ABLIM2: variants seen among roughly 807,000 people sequenced by gnomAD.
ABLIM2 encodes the protein actin binding LIM protein family member 2, also known as actin-binding LIM protein 2.
ABLIM2 carries 53 observed loss-of-function variants against 97.7 expected under a neutral mutation model. The observed-to-expected ratio is 0.54, with a 90% confidence interval of 0.44 to 0.68. The LOEUF (loss-of-function observed/expected upper bound fraction) is 0.68, where lower values mean the gene tolerates loss of function less well. ABLIM2 is among the 30% of genes least tolerant of loss of function. The probability of loss-of-function intolerance (pLI) is 0.00; values close to 1 mark genes in which losing one functional copy is unlikely to be tolerated. For synonymous variants in ABLIM2, 361 were observed against 345.8 expected, an observed-to-expected ratio of 1.04 and a Z score of -0.49; for missense variants, 835 against 867.2, an observed-to-expected ratio of 0.96 and a Z score of 0.47.
chr4:8,105,860 G>C (rs1234380954), intron 2 of ABLIM2, among the ~76,000 whole-genome samples: 1 of 152,228 alleles, frequency 6.6e-6, no homozygotes, highest in African/African-American at 2.4e-5. Context: ...CTTTGTATAG[G>C]AAGGAGGAAC....
At chr4:8,156,078 C>G (rs1715219951) in intron 1 of ABLIM2, among the ~76,000 whole-genome samples, 1 of 152,170 alleles carries the variant, frequency 6.6e-6, no homozygotes, top group African/African-American at 2.4e-5. Flanking sequence ...CTGGGGGAAT[C>G]TGATCTGCCA....
At position 7,980,947 on chromosome 4, in the gene ABLIM2, T is replaced by A. The variant is rs529494019; in HGVS notation, c.1824+2317A>T. ...ATGGTCTCCACAACCCCTTATTTTT[T>A]TTTTTTTTTTTTTTGAGATGGAGTC... On this transcript the variant is annotated intron_variant, in intron 20 of 20. Transcript: ENST00000447017. 1.3e-4 allele frequency among the ~76,000 whole-genome samples: 16 copies of A among 124,882 alleles called. No homozygotes were observed. In the South Asian group the frequency reaches 2.7e-3, roughly 21 times the overall value. The allele number at this position is 124,882 out of a possible 152,430, so 81.9% of individuals were successfully genotyped here.
intron 6 of ABLIM2, among the ~76,000 whole-genome samples, chr4:8,062,721 G>A (rs913353671): frequency 6.6e-6 from 1 of 152,136 alleles, no homozygotes; most frequent in Non-Finnish European, 1.5e-5. Flanking sequence ...TTACAGGCAT[G>A]AGCCACCACG....
In ABLIM2 at chr4:8,003,422, G is replaced by C. The variant is rs932203684; in HGVS notation, c.1618+4637C>G. 1.3e-5 allele frequency among the ~76,000 whole-genome samples: 2 copies of C among 152,110 alleles called. No homozygotes were observed. The highest frequency in any genetic ancestry group is 4.2e-4 in the South Asian group (2 of 4,816). On this transcript the variant is annotated intron_variant, in intron 16 of 20. Transcript: ENST00000447017. This position sits in a 1 kb window ranked among gnomAD's most constrained non-coding sequence, Gnocchi z 4.2. ...GGAGGGTGTGTGGGTACTGAGGTTCGCTTTCTACCCAATATACATCGCTTT... is the reference window on the plus strand; with the variant it reads ...GGAGGGTGTGTGGGTACTGAGGTTCCCTTTCTACCCAATATACATCGCTTT...
intron 1 of ABLIM2, among the ~76,000 whole-genome samples, chr4:8,110,994 CAGCCAAACCATGCAAA>C (rs1840051286): frequency 6.6e-6 from 1 of 152,260 alleles, no homozygotes; most frequent in South Asian, 2.1e-4. Context: ...AGGGGGGCAA[CAGCCAAACCATGCAAA>C]AGCAGGGGCC....
At chr4:8,007,960 C>A (rs1316106953) in intron 16 of ABLIM2, 99 bp downstream of exon 16, 4 of 1,517,422 alleles carry the variant, frequency 2.6e-6, no homozygotes, top group South Asian at 1.4e-5. Flanking sequence ...TTTTAACAGG[C>A]AAGGCTTAGA....
At chr4:7,991,944 G>A (rs1749074876) in intron 17 of ABLIM2, among the ~76,000 whole-genome samples, 2 of 152,162 alleles carry the variant, frequency 1.3e-5, no homozygotes, top group African/African-American at 4.8e-5. Context: ...ACACAGCCAC[G>A]GCTGCTCCAG....
intron 1 of ABLIM2, among the ~76,000 whole-genome samples, chr4:8,118,751 TG>T (rs1374319672): frequency 1.3e-5 from 2 of 152,208 alleles, no homozygotes; most frequent in South Asian, 2.1e-4. Flanking sequence ...CGGGGAGCAC[TG>T]TGTGCCCATC....
chr4:8,031,576 C>T (rs201233528), intron 10 of ABLIM2, among the ~76,000 whole-genome samples: 171 of 152,256 alleles, frequency 1.1e-3, no homozygotes, highest in Non-Finnish European at 1.1e-3. Context: ...GGCTCTGAGC[C>T]GACCGCTGGG....
chr4:8,008,265 G>C (rs775614149), intron 15 of ABLIM2, 65 bp from the exon 16 acceptor site: 43 of 1,503,872 alleles, frequency 2.9e-5, no homozygotes, highest in Admixed American at 1.8e-4. Flanking sequence ...ACATCTCACT[G>C]GACCCTTCTT....
chr4:8,026,186 G>A (rs1387745325), intron 12 of ABLIM2, among the ~76,000 whole-genome samples: 1 of 152,164 alleles, frequency 6.6e-6, no homozygotes, highest in Non-Finnish European at 1.5e-5. Context: ...TCTTTTTTCA[G>A]ACAAAGGGTC....
intron 20 of ABLIM2, among the ~76,000 whole-genome samples, chr4:7,979,982 GA>G (rs1736688143): frequency 6.6e-6 from 1 of 152,214 alleles, no homozygotes; most frequent in African/African-American, 2.4e-5. Flanking sequence ...AGCCAGCACA[GA>G]AAAAGCACAG....
chr4:8,067,924 G>A lies in ABLIM2; in HGVS notation c.676-6870C>T, dbSNP rs1375793999. ...AGAGGACATTTAGCTGGAAGGTACCGGCATGGCACAGGTCACCCCCTCCCT... is the reference window on the plus strand; with the variant it reads ...AGAGGACATTTAGCTGGAAGGTACCAGCATGGCACAGGTCACCCCCTCCCT... On this transcript the variant is annotated intron_variant, in intron 6 of 20. Transcript: ENST00000447017. This position sits in a 1 kb window ranked among gnomAD's most constrained non-coding sequence, Gnocchi z 5.4. Among the ~76,000 whole-genome samples the A allele has an allele frequency of 2.6e-5, 4 of 152,138 alleles. No individual in the cohort carries two copies. Among genetic ancestry groups the A allele is most frequent in the Non-Finnish European group, 5.9e-5 (4 of 68,018 alleles).
chr4:8,041,844 C>G (rs559188335), intron 9 of ABLIM2, among the ~76,000 whole-genome samples: 213 of 151,866 alleles, frequency 1.4e-3, no homozygotes, highest in African/African-American at 4.8e-3. Context: ...GCGCAGCTTG[C>G]AGTGAGCTGA....
At position 8,150,693 on chromosome 4, in the gene ABLIM2, G is replaced by A. The variant is rs1221618990; in HGVS notation, c.10+7987C>T. Among the ~76,000 whole-genome samples the A allele has an allele frequency of 3.3e-5, 5 of 152,186 alleles. No individual in the cohort carries two copies. The highest frequency in any genetic ancestry group is 1.3e-4 in the Admixed American group (2 of 15,280). ...TAAAATGAAGCTTCGAGCTGAGACC[G>A]ATGACTCAAGACACCACGCCTCCTG... is the stretch of plus-strand genomic sequence containing the variant. On this transcript the variant is annotated intron_variant, in intron 1 of 20. Transcript: ENST00000447017. This position sits in a 1 kb window ranked among gnomAD's most constrained non-coding sequence, Gnocchi z 6.3.
intron 20 of ABLIM2, among the ~76,000 whole-genome samples, chr4:7,973,263 C>A (rs1369281363): frequency 1.3e-5 from 2 of 151,868 alleles, no homozygotes. Context: ...GTAATCCCAG[C>A]AGTTTGGGGG....
At chr4:8,152,047 C>T (rs1288014061) in intron 1 of ABLIM2, among the ~76,000 whole-genome samples, 1 of 152,008 alleles carries the variant, frequency 6.6e-6, no homozygotes, top group Non-Finnish European at 1.5e-5. Context: ...GCTGGCAGGT[C>T]CCGCAGCTGG....
At chr4:7,969,349 G>A (rs1446662120) in intron 20 of ABLIM2, among the ~76,000 whole-genome samples, 5 of 151,994 alleles carry the variant, frequency 3.3e-5, no homozygotes, top group African/African-American at 1.2e-4. Context: ...AGTTACTGAG[G>A]AGGCTGAGGT....
intron 1 of ABLIM2, among the ~76,000 whole-genome samples, chr4:8,146,418 T>C (rs1047115565): frequency 2.3e-4 from 35 of 152,238 alleles, no homozygotes; most frequent in African/African-American, 7.5e-4. Flanking sequence ...AGTCAGATAT[T>C]AATGAGATTT....
Sources: gnomAD v4.1 joint callset for allele counts (sites outside exome capture counted in the v4.1 genomes callset) on GRCh38, gnomAD v4.1.1 for gene constraint, Gnocchi (gnomAD v3.1) non-coding constraint, MANE v1.5 for transcripts, NCBI Gene and HGNC (gene_info 2026-07-23, HGNC 2026-07-21) for gene names.